The following MAST2 variants were observed in gnomAD, a reference collection of about 807,000 sequenced individuals.
The protein encoded by MAST2 is microtubule-associated serine/threonine-protein kinase 2.
In MAST2, 70 loss-of-function variants were observed where a neutral mutation model predicts 147.4. The ratio of observed to expected loss-of-function variants is 0.47; its 90% confidence interval spans 0.39 to 0.58. The LOEUF is 0.58. MAST2 is among the 20% of genes least tolerant of loss of function. The pLI is 0.00. For missense variants in MAST2, 2,080 were observed against 2,302.3 expected (o/e 0.90, Z 1.98); for synonymous variants, 869 against 896.8 (o/e 0.97, Z 0.55).
intron 10 of MAST2, among the ~76,000 whole-genome samples, chr1:46,014,744 C>T (rs921996584): frequency 1.1e-4 from 16 of 152,120 alleles, no homozygotes; most frequent in Non-Finnish European, 2.2e-4. Flanking sequence ...TAACACCCCA[C>T]TGTCAACATT....
chr1:45,817,012 A>G (rs1271060160), intron 1 of MAST2, among the ~76,000 whole-genome samples: 2 of 152,180 alleles, frequency 1.3e-5, no homozygotes, highest in East Asian at 1.9e-4. Flanking sequence ...AAGACAGGCT[A>G]TTTGAAAATA....
chr1:45,845,541 G>GT (rs1434341325), intron 3 of MAST2, among the ~76,000 whole-genome samples: 2 of 152,136 alleles, frequency 1.3e-5, no homozygotes, highest in Non-Finnish European at 2.9e-5. Context: ...TATTTAACAA[G>GT]TTTTTTAGGA....
At chr1:45,922,775 T>A (rs971810318) in intron 4 of MAST2, among the ~76,000 whole-genome samples, 1 of 151,854 alleles carries the variant, frequency 6.6e-6, no homozygotes, top group Non-Finnish European at 1.5e-5. Context: ...GGGCTCCCAC[T>A]TTTCCCTGGC....
At chr1:45,952,734 TA>T (rs1659109434) in intron 4 of MAST2, among the ~76,000 whole-genome samples, 1 of 152,190 alleles carries the variant, frequency 6.6e-6, no homozygotes, top group Non-Finnish European at 1.5e-5. Flanking sequence ...CCATACTTGC[TA>T]AATTAGCAGT....
Position 45,978,530 on chromosome 1 carries a change from G to T in MAST2, c.592+19053G>T, listed in dbSNP as rs147655390. The stretch of plus-strand genomic sequence containing the variant: ...GACTCTGTCTCAAAAAAGAAAGAAA[G>T]AAAATGCAAAATAAAATCACAAAAA... On this transcript the variant is annotated intron_variant, in intron 5 of 28. Transcript: ENST00000361297. Among the ~76,000 whole-genome samples the T allele has an allele frequency of 1.8e-4, 28 of 152,048 alleles. No individual in the cohort carries two copies. The East Asian group carries it at 5.4e-3, about 29-fold the overall frequency.
Position 45,887,140 on chromosome 1 carries a change from G to A in MAST2, c.500+4745G>A, listed in dbSNP as rs184599451. Among the ~76,000 whole-genome samples the A allele has an allele frequency of 5.2e-3, 791 of 152,258 alleles. 4 individuals are homozygous for A. The highest frequency in any genetic ancestry group is 7.8e-3 in the Non-Finnish European group (528 of 68,000). On this transcript the variant is annotated intron_variant, in intron 4 of 28. Transcript: ENST00000361297. ...ACAATGCCTGGCGACTGTTTATTTT[G>A]TTTGTGAATTTCAGCACCAGTACCT...
In MAST2 at chr1:45,803,654, T is replaced by G; in HGVS notation, c.-242T>G. The G allele has an allele frequency of 4.0e-5, 11 of 277,102 alleles. No individual in the cohort carries two copies. Among genetic ancestry groups the G allele is most frequent in the East Asian group, 1.2e-4 (2 of 16,112 alleles). 17.2% of individuals were successfully genotyped at this position (277,102 alleles called of 1,614,324 possible). A position where few individuals can be genotyped will look rare whatever the true frequency, so the allele number is the denominator to read the frequency against. On this transcript the variant is annotated 5_prime_UTR_variant, in exon 1 of 29. Transcript: ENST00000361297. ...CCGGCGGCGGGTGGCCTGCCCAACG[T>G]GTGCTGGGTGGGAGAAGGCGAGGCG... is the stretch of plus-strand genomic sequence containing the variant.
chr1:46,030,541 T>C, intron 21 of MAST2, 66 bp from the exon 22 acceptor site: 1 of 1,521,150 alleles, frequency 6.6e-7, no homozygotes, highest in Non-Finnish European at 8.8e-7. Context: ...ATGCCAAGGA[T>C]GCTTTATGCC....
chr1:45,998,387 G>A (rs1346167816), intron 6 of MAST2, among the ~76,000 whole-genome samples: 1 of 152,210 alleles, frequency 6.6e-6, no homozygotes, highest in African/African-American at 2.4e-5. Context: ...CTTCCCTCTT[G>A]AGAGTGATAA....
chr1:45,832,023 A>G (rs1004095642), intron 3 of MAST2, among the ~76,000 whole-genome samples: 4 of 151,964 alleles, frequency 2.6e-5, no homozygotes, highest in South Asian at 2.1e-4. Context: ...CAAGTGATCC[A>G]CCTGCCTCGG....
At chr1:45,892,754 C>G (rs1226671707) in intron 4 of MAST2, among the ~76,000 whole-genome samples, 1 of 152,198 alleles carries the variant, frequency 6.6e-6, no homozygotes, top group African/African-American at 2.4e-5. Flanking sequence ...AACAGAATCT[C>G]TCTGCATGTG....
chr1:46,032,504 G>T, intron 25 of MAST2, 92 bp from the exon 26 acceptor site: 3 of 1,595,246 alleles, frequency 1.9e-6, no homozygotes, highest in Non-Finnish European at 2.6e-6. Context: ...TCAAAGGGTG[G>T]TGGTGAAGGG....
chr1:45,995,806 C>T (rs1008241003), intron 5 of MAST2, among the ~76,000 whole-genome samples: 1 of 152,170 alleles, frequency 6.6e-6, no homozygotes, highest in Admixed American at 6.5e-5. Context: ...TTCTCAGATA[C>T]TCTCTGGGAT....
intron 5 of MAST2, among the ~76,000 whole-genome samples, chr1:45,994,954 T>A (rs1200625889): frequency 6.6e-6 from 1 of 151,934 alleles, no homozygotes; most frequent in African/African-American, 2.4e-5. Context: ...TTCTCCTGCC[T>A]CAGCCTTCCG....
At chr1:45,934,465 G>T (rs1015853281) in intron 4 of MAST2, among the ~76,000 whole-genome samples, 15 of 151,846 alleles carry the variant, frequency 9.9e-5, no homozygotes, top group African/African-American at 3.6e-4. Context: ...CAGCTCTGTT[G>T]CCTAGGCTTG....
At chr1:45,856,683 A>T (rs1645801215) in intron 3 of MAST2, among the ~76,000 whole-genome samples, 1 of 152,234 alleles carries the variant, frequency 6.6e-6, no homozygotes, top group South Asian at 2.1e-4. Context: ...TACAGGGCAC[A>T]GTAAAATAAA....
At chr1:45,963,998 G>C (rs1005393139) in intron 5 of MAST2, among the ~76,000 whole-genome samples, 2 of 152,184 alleles carry the variant, frequency 1.3e-5, no homozygotes, top group African/African-American at 2.4e-5. Context: ...CTTTGGTTCT[G>C]TTTATATGCT....
intron 4 of MAST2, among the ~76,000 whole-genome samples, chr1:45,946,145 G>C (rs1446861647): frequency 2.0e-5 from 3 of 152,200 alleles, no homozygotes. Context: ...GGCATGCCTA[G>C]AATACCCAGA....
intron 1 of MAST2, among the ~76,000 whole-genome samples, chr1:45,807,593 G>C (rs966111034): frequency 2.9e-4 from 44 of 151,322 alleles, no homozygotes; most frequent in African/African-American, 1.0e-3. Flanking sequence ...CCAGGCTGGA[G>C]TGCAGTGGTG....
Sources: allele counts gnomAD v4.1 joint callset (sites outside exome capture counted in the v4.1 genomes callset), GRCh38; gene constraint gnomAD v4.1.1; transcripts MANE v1.5; gene names NCBI Gene and HGNC (gene_info 2026-07-23, HGNC 2026-07-21).